The following SLIT1 variants were observed in gnomAD, a reference collection of about 807,000 sequenced individuals.
SLIT1 encodes slit homolog 1 protein.
A neutral mutation model predicts 186.1 loss-of-function variants in SLIT1; 66 were observed. The ratio of observed to expected loss-of-function variants is 0.35; its 90% CI spans 0.29 to 0.44. The LOEUF (loss-of-function observed/expected upper bound fraction) is 0.44, where lower values mean the gene tolerates loss of function less well. SLIT1 is among the 20% of genes least tolerant of loss of function. The pLI, the probability that SLIT1 is intolerant of heterozygous loss-of-function variation, is 1.00. For synonymous variants in SLIT1, 761 were observed against 833.8 expected (o/e 0.91, Z 1.50); for missense variants, 1,638 against 2,037.4 (o/e 0.80, Z 3.77).
intron 28 of SLIT1, among the ~76,000 whole-genome samples, chr10:97,016,186 G>A (rs1848453814): frequency 6.6e-6 from 1 of 152,028 alleles, no homozygotes; most frequent in Non-Finnish European, 1.5e-5. Flanking sequence ...GTGCATGCCT[G>A]TAGTCCCAGC....
chr10:97,123,007 G>A (rs967728401), intron 4 of SLIT1, among the ~76,000 whole-genome samples: 7 of 152,214 alleles, frequency 4.6e-5, no homozygotes, highest in African/African-American at 1.7e-4. Flanking sequence ...AGGGGCTAAT[G>A]TTTGTGGAGG....
chr10:97,006,009 G>A lies in SLIT1; in HGVS notation c.3579+474C>T, dbSNP rs1010186057. Among the ~76,000 whole-genome samples, 2 of 152,196 alleles carry A rather than the reference G, an allele frequency of 1.3e-5. No homozygotes were observed. Among genetic ancestry groups the A allele is most frequent in the African/African-American group, 4.8e-5 (2 of 41,446 alleles). ...TATATTTCATCAATGCTGCTGAAGT[G>A]GGAATTGCTTTATTTTCCCCTCAAC... On this transcript the variant is annotated intron_variant, in intron 32 of 36. Coordinates refer to ENST00000266058, the MANE Select transcript of SLIT1 (RefSeq NM_003061.3). The surrounding 1 kb of genome is among the most constrained non-coding windows in gnomAD (Gnocchi z 4.0).
intron 4 of SLIT1, among the ~76,000 whole-genome samples, chr10:97,094,650 G>A (rs766771025): frequency 4.6e-5 from 7 of 152,154 alleles, no homozygotes; most frequent in African/African-American, 7.2e-5. Context: ...AGCAGGTGAC[G>A]GCAGCACTAG....
chr10:97,060,604 G>T (rs57039373), intron 9 of SLIT1, 36 bp downstream of exon 9: 3 of 1,610,984 alleles, frequency 1.9e-6, no homozygotes, highest in East Asian at 4.5e-5. Context: ...CCTGCCAAAG[G>T]GCTGTGCCCC....
chr10:97,013,797 C>A lies in SLIT1; in HGVS notation c.3147G>T (p.Pro1049=). 6.4e-7 allele frequency: 1 copy of A among 1,551,586 alleles called. No homozygotes were observed. The highest frequency in any genetic ancestry group is 8.7e-7 in the Non-Finnish European group (1 of 1,146,940). Reference sequence around the variant, plus strand: ...CCTCGTGTTGACATGGGTTCAGATCCGGAGAGCACAAGTCCACCAGCTGCT... The same window carrying A: ...CCTCGTGTTGACATGGGTTCAGATCAGGAGAGCACAAGTCCACCAGCTGCT... ...ACEQLVDLCS[P]DLNPCQHEAQ... is the part of the protein sequence containing the mutation. Residue 1049 remains proline (P), a synonymous_variant, in exon 30 of 37, where the codon CCG becomes CCT. Transcript: ENST00000266058.
chr10:97,027,654 C>T (rs981369618), intron 25 of SLIT1, among the ~76,000 whole-genome samples: 3 of 152,184 alleles, frequency 2.0e-5, no homozygotes, highest in Non-Finnish European at 4.4e-5. Context: ...TGGCTTCTGG[C>T]CTGATATCAC....
At chr10:97,177,048 C>A (rs2134743169) in intron 1 of SLIT1, among the ~76,000 whole-genome samples, 1 of 152,330 alleles carries the variant, frequency 6.6e-6, no homozygotes, top group South Asian at 2.1e-4. Context: ...TGCTGAAGAG[C>A]TACAGAGCCA....
intron 25 of SLIT1, among the ~76,000 whole-genome samples, chr10:97,023,902 A>G (rs765650554): frequency 6.6e-6 from 1 of 152,068 alleles, no homozygotes; most frequent in African/African-American, 2.4e-5. Context: ...AGATCATGCT[A>G]TGGCACTCCA....
chr10:97,176,396 C>T (rs1310315315), intron 1 of SLIT1, among the ~76,000 whole-genome samples: 1 of 152,110 alleles, frequency 6.6e-6, no homozygotes, highest in African/African-American at 2.4e-5. Context: ...TGCCAGCCCT[C>T]CCCATTCCCA....
At chr10:97,077,346 T>G (rs1007392025) in intron 4 of SLIT1, among the ~76,000 whole-genome samples, 2 of 152,052 alleles carry the variant, frequency 1.3e-5, no homozygotes, top group Non-Finnish European at 2.9e-5. Context: ...CTGCGGTCCT[T>G]TGAGTGGCAA....
intron 4 of SLIT1, among the ~76,000 whole-genome samples, chr10:97,136,621 C>T (rs955432457): frequency 7.9e-5 from 12 of 152,340 alleles, no homozygotes; most frequent in African/African-American, 2.4e-4. Flanking sequence ...CATCTCTGCC[C>T]GGCGTTTTAT....
intron 4 of SLIT1, among the ~76,000 whole-genome samples, chr10:97,121,016 G>A (rs1481195423): frequency 6.6e-6 from 1 of 152,102 alleles, no homozygotes; most frequent in Non-Finnish European, 1.5e-5. Context: ...TAGATGTCAA[G>A]ACGGTCTCCC....
At chr10:97,098,063 G>A (rs1020560309) in intron 4 of SLIT1, among the ~76,000 whole-genome samples, 17 of 152,132 alleles carry the variant, frequency 1.1e-4, no homozygotes, top group Non-Finnish European at 2.4e-4. Flanking sequence ...CAGCTACCAG[G>A]GTCTGGCAAA....
intron 1 of SLIT1, among the ~76,000 whole-genome samples, chr10:97,178,524 C>G (rs142910158): frequency 6.6e-6 from 1 of 152,092 alleles, no homozygotes; most frequent in African/African-American, 2.4e-5. Flanking sequence ...ATGCCATGTG[C>G]GATCCTGGCA....
rs776112401 is a variant in SLIT1, at chr10:97,037,716, A to G, written c.2348T>C (p.Phe783Ser). 6.2e-7 allele frequency: 1 copy of G among 1,609,508 alleles called. No homozygotes were observed. The highest frequency in any genetic ancestry group is 8.5e-7 in the Non-Finnish European group (1 of 1,176,370). Residue 783 changes from phenylalanine (F) to serine (S), a missense_variant, in exon 22 of 37, where the codon TTC becomes TCC. By Grantham distance (155) the Phe-to-Ser change is radical. Around this residue, in one of 3 missense-constraint regions of SLIT1, gnomAD observed 1,245 missense variants for 1,535.3 expected, o/e 0.81. Coordinates refer to ENST00000266058, the MANE Select transcript of SLIT1 (RefSeq NM_003061.3). ...FTLVPGQLST[F>S]KYLQLVDLSN... ...TACTTACACGAGCTGCAGGTACTTG[A>G]AGGTAGACAGCTGTCCCGGAACCAG... is the stretch of plus-strand genomic sequence containing the variant.
chr10:97,117,425 T>G (rs759935527), intron 4 of SLIT1, among the ~76,000 whole-genome samples: 4 of 152,218 alleles, frequency 2.6e-5, no homozygotes, highest in Non-Finnish European at 5.9e-5. Flanking sequence ...ATTTGCTTGA[T>G]GTTTGCTTGC....
chr10:97,040,475 G>A (rs1359412571), intron 20 of SLIT1, among the ~76,000 whole-genome samples: 3 of 152,262 alleles, frequency 2.0e-5, no homozygotes, highest in South Asian at 4.1e-4. Flanking sequence ...TACAGTTAGG[G>A]GTGCAGCATC....
At chr10:97,081,246 A>G (rs1331367774) in intron 4 of SLIT1, among the ~76,000 whole-genome samples, 24 of 152,168 alleles carry the variant, frequency 1.6e-4, no homozygotes, top group Admixed American at 1.6e-3. Context: ...TGCTGGGGGA[A>G]GGGGCTCTGC....
Position 97,163,297 on chromosome 10 carries a change from T to C in SLIT1, c.341+83A>G, listed in dbSNP as rs554318025. The C allele has an allele frequency of 9.0e-6, 11 of 1,223,544 alleles. No homozygotes were observed. In the African/African-American group the frequency reaches 1.6e-4, roughly 18 times the overall value. The allele number at this position is 1,223,544 out of a possible 1,614,324, so 75.8% of individuals were successfully genotyped here. A position where few individuals can be genotyped will look rare whatever the true frequency, so the allele number is the denominator to read the frequency against. On this transcript the variant is annotated intron_variant, in intron 3 of 36. Transcript: ENST00000266058. Reference sequence around the variant, plus strand: ...TGGGGTCCCCTCCCATGAGTGCCCCTCATCCCTGGCAGCAGCTTGGCCTGC... The same window carrying C: ...TGGGGTCCCCTCCCATGAGTGCCCCCCATCCCTGGCAGCAGCTTGGCCTGC...
Sources: allele counts gnomAD v4.1 joint callset (sites outside exome capture counted in the v4.1 genomes callset), GRCh38; gene constraint gnomAD v4.1.1; regional missense constraint gnomAD v4.1.1; non-coding constraint Gnocchi (gnomAD v3.1); transcripts MANE v1.5; gene names NCBI Gene and HGNC (gene_info 2026-07-23, HGNC 2026-07-21).